RPTOR: variants seen among roughly 807,000 people sequenced by gnomAD.
RPTOR encodes the protein regulatory-associated protein of mTOR.
In RPTOR, 21 loss-of-function variants were observed where a neutral mutation model predicts 169.9. The ratio of observed to expected loss-of-function variants is 0.12; its 90% CI spans 0.09 to 0.18. The LOEUF (loss-of-function observed/expected upper bound fraction) is 0.18. Ranked by LOEUF, RPTOR falls within the 10% of genes least tolerant of loss-of-function variation. The pLI, the probability that RPTOR is intolerant of heterozygous loss-of-function variation, is 1.00. For missense variants in RPTOR, 1,133 were observed against 1,855.9 expected, an observed-to-expected ratio of 0.61 and a Z score of 7.16; for synonymous variants, 732 against 753.2, an observed-to-expected ratio of 0.97 and a Z score of 0.46.
intron 3 of RPTOR, among the ~76,000 whole-genome samples, chr17:80,692,503 TA>T (rs1454585382): frequency 6.6e-6 from 1 of 152,118 alleles, no homozygotes; most frequent in African/African-American, 2.4e-5. Context: ...GTATTTTCAG[TA>T]GAGATGGGGT....
Position 80,823,360 on chromosome 17 carries a change from T to TTTTC in RPTOR, c.1136+137_1136+138insTTTC. The TTTTC allele has an allele frequency of 1.0e-6, 1 of 990,858 alleles. No individual in the cohort carries two copies. The highest frequency in any genetic ancestry group is 2.2e-5 in the South Asian group (1 of 46,192). The allele number at this position is 990,858 out of a possible 1,614,324, so 61.4% of individuals were successfully genotyped here. ...CCCGTGTAGCATTAACAAGTGAAGC[T>TTTTC]AAATGCAGGGCTCCCAGAGATCTCC... On this transcript the variant is annotated intron_variant, in intron 9 of 33. Coordinates refer to ENST00000306801, the MANE Select transcript of RPTOR (RefSeq NM_020761.3). This position sits in a 1 kb window ranked among gnomAD's most constrained non-coding sequence, Gnocchi z 4.5.
At chr17:80,940,772 G>T (rs911566516) in intron 25 of RPTOR, among the ~76,000 whole-genome samples, 171 bp downstream of exon 25, 1 of 152,240 alleles carries the variant, frequency 6.6e-6, no homozygotes, top group African/African-American at 2.4e-5. Context: ...GCACATCAAG[G>T]CTGGTGGAGA....
intron 1 of RPTOR, among the ~76,000 whole-genome samples, chr17:80,557,880 C>T (rs144669103): frequency 0.035 from 5,298 of 151,580 alleles, 125 homozygotes; most frequent in South Asian, 0.061. Flanking sequence ...GAGCCGAGAT[C>T]GTGCCACTGC....
intron 7 of RPTOR, among the ~76,000 whole-genome samples, chr17:80,812,655 C>T (rs2067285140): frequency 6.6e-6 from 1 of 152,208 alleles, no homozygotes; most frequent in Non-Finnish European, 1.5e-5. Flanking sequence ...CCTGGCTTCC[C>T]CTCCTCGAGT....
intron 1 of RPTOR, among the ~76,000 whole-genome samples, chr17:80,553,942 A>G (rs1430929923): frequency 6.6e-6 from 1 of 152,008 alleles, no homozygotes; most frequent in African/African-American, 2.4e-5. Context: ...GGGTTTTGCC[A>G]TATTGGCCAG....
rs2069314840 is a variant in RPTOR, at chr17:80,960,029, G to T, written c.3478-49G>T. 1 of 1,606,650 alleles carries T rather than the reference G, an allele frequency of 6.2e-7. No individual in the cohort carries two copies. Among genetic ancestry groups the T allele is most frequent in the Non-Finnish European group, 8.5e-7 (1 of 1,175,754 alleles). ...CCTGGCGCTGCAGGACAGCAGGGAG[G>T]GTGGCTCGGTGCCCCGGTCTTCACC... On this transcript the variant is annotated intron_variant, in intron 29 of 33. Transcript: ENST00000306801. The surrounding 1 kb of genome is among the most constrained non-coding windows in gnomAD (Gnocchi z 4.8).
chr17:80,767,892 T>G (rs577693674), intron 6 of RPTOR, among the ~76,000 whole-genome samples: 112 of 152,160 alleles, frequency 7.4e-4, no homozygotes, highest in African/African-American at 2.4e-3. Context: ...TGAGACAGAG[T>G]CTTGCTGTGT....
intron 7 of RPTOR, among the ~76,000 whole-genome samples, chr17:80,806,095 A>G (rs1036508910): frequency 6.6e-6 from 1 of 152,214 alleles, no homozygotes; most frequent in African/African-American, 2.4e-5. Context: ...AATCATTAAA[A>G]AACAAGCCGC....
chr17:80,934,237 G>T (rs1262100762), intron 24 of RPTOR, among the ~76,000 whole-genome samples: 1 of 148,872 alleles, frequency 6.7e-6, no homozygotes, highest in Non-Finnish European at 1.5e-5. Flanking sequence ...ACTACTTTAT[G>T]TGCATAAACT....
At chr17:80,683,078 A>G (rs1339835270) in intron 3 of RPTOR, among the ~76,000 whole-genome samples, 2 of 152,208 alleles carry the variant, frequency 1.3e-5, no homozygotes, top group Non-Finnish European at 2.9e-5. Context: ...CTGGGATTAC[A>G]GGCGCGAGCC....
intron 3 of RPTOR, among the ~76,000 whole-genome samples, chr17:80,660,198 G>A (rs758712296): frequency 3.3e-5 from 5 of 151,334 alleles, no homozygotes; most frequent in Non-Finnish European, 7.4e-5. Flanking sequence ...TTGAACCCAG[G>A]AGATGGAGGT....
At chr17:80,741,747 A>G (rs2066483639) in intron 5 of RPTOR, among the ~76,000 whole-genome samples, 1 of 152,158 alleles carries the variant, frequency 6.6e-6, no homozygotes, top group South Asian at 2.1e-4. Context: ...TCATCCTAGA[A>G]CAGACAATGG....
At chr17:80,848,929 G>C (rs2067762440) in intron 11 of RPTOR, among the ~76,000 whole-genome samples, 1 of 152,250 alleles carries the variant, frequency 6.6e-6, no homozygotes, top group African/African-American at 2.4e-5. Flanking sequence ...TCTGGTCGGA[G>C]CGTGGGGCAT....
chr17:80,771,827 T>G (rs1443212263), intron 6 of RPTOR, among the ~76,000 whole-genome samples: 1 of 152,182 alleles, frequency 6.6e-6, no homozygotes, highest in Non-Finnish European at 1.5e-5. Context: ...CTGTTGCTGC[T>G]GGATCTGACG....
At chr17:80,923,725 A>C in intron 23 of RPTOR, 52 bp downstream of exon 23, 1 of 1,490,964 alleles carries the variant, frequency 6.7e-7, no homozygotes, top group South Asian at 1.3e-5. Context: ...GTTGCTTCTC[A>C]GATGGGGGCT....
chr17:80,652,233 T>C (rs1421638013), intron 3 of RPTOR, among the ~76,000 whole-genome samples: 3 of 151,658 alleles, frequency 2.0e-5, no homozygotes, highest in Non-Finnish European at 4.4e-5. Flanking sequence ...CTTGTGCAAC[T>C]GTCATAACTG....
chr17:80,911,234 T>C (rs1210400618), intron 21 of RPTOR, among the ~76,000 whole-genome samples: 2 of 152,180 alleles, frequency 1.3e-5, no homozygotes, highest in African/African-American at 2.4e-5. Context: ...TGCAGCGGAC[T>C]CTGCCACTTC....
At chr17:80,585,143 C>A (rs2143383902) in intron 1 of RPTOR, among the ~76,000 whole-genome samples, 1 of 149,554 alleles carries the variant, frequency 6.7e-6, no homozygotes, top group South Asian at 2.1e-4. Flanking sequence ...TTATAATATC[C>A]TGTTCTTGTT....
At chr17:80,752,034 A>G (rs2066635784) in intron 5 of RPTOR, among the ~76,000 whole-genome samples, 1 of 152,238 alleles carries the variant, frequency 6.6e-6, no homozygotes. Flanking sequence ...GTGGCCCGGT[A>G]TGATCGGCAT....
Sources: gnomAD v4.1 joint callset for allele counts (sites outside exome capture counted in the v4.1 genomes callset) on GRCh38, gnomAD v4.1.1 for gene constraint, Gnocchi (gnomAD v3.1) non-coding constraint, MANE v1.5 for transcripts, NCBI Gene and HGNC (gene_info 2026-07-23, HGNC 2026-07-21) for gene names.